Variants in FKBP10 observed in about 807,000 individuals in gnomAD.
FKBP10 encodes FKBP prolyl isomerase 10.
In FKBP10, 34 loss-of-function variants were observed where a neutral mutation model predicts 53.7. The observed-to-expected ratio is 0.63, with a 90% confidence interval of 0.48 to 0.84. FKBP10 has a LOEUF of 0.84. Among genes scored for constraint, FKBP10 ranks in the 40% least tolerant of loss-of-function variants. The pLI is 0.00. For synonymous variants in FKBP10, 324 were observed against 335.7 expected, an observed-to-expected ratio of 0.97 and a Z score of 0.38; for missense variants, 748 against 797.8, an observed-to-expected ratio of 0.94 and a Z score of 0.75.
At position 41,822,537 on chromosome 17, in the gene FKBP10, G is replaced by A; in HGVS notation, c.*129G>A. ...AGGTCCAGGAGCCAACTAAAACAAT[G>A]GCAGAGGAGACATCTCTGGTGTTCC... On this transcript the variant is annotated 3_prime_UTR_variant, in exon 10 of 10. Coordinates refer to ENST00000321562, the MANE Select transcript of FKBP10 (RefSeq NM_021939.4). 1 of 1,019,104 alleles carries A rather than the reference G, an allele frequency of 9.8e-7. No homozygotes were observed. Among genetic ancestry groups the A allele is most frequent in the East Asian group, 2.6e-5 (1 of 38,474 alleles). The allele number at this position is 1,019,104 out of a possible 1,614,324, so 63.1% of individuals were successfully genotyped here.
chr17:41,815,019 G>C (rs1386708953), intron 1 of FKBP10, among the ~76,000 whole-genome samples: 1 of 152,192 alleles, frequency 6.6e-6, no homozygotes, highest in African/African-American at 2.4e-5. Flanking sequence ...CCAGGTTCAC[G>C]TGATTCTCCT....
rs1555617415 is a variant in FKBP10 at position 41,822,430 on chromosome 17, C to T, written c.*22C>T. 6.3e-7 allele frequency: 1 copy of T among 1,584,758 alleles called. No individual in the cohort carries two copies. Among genetic ancestry groups the T allele is most frequent in the Admixed American group, 1.8e-5 (1 of 55,278 alleles). ...CTGAGGGGCAGGGAGCCTGGCCAGG[C>T]CTGAGACACAGAGGCCCACTGCGAG... On this transcript the variant is annotated 3_prime_UTR_variant, in exon 10 of 10. Coordinates refer to ENST00000321562, the MANE Select transcript of FKBP10 (RefSeq NM_021939.4).
In FKBP10 at chr17:41,821,239, C is replaced by T. The variant is rs1231264200; in HGVS notation, c.1399+150C>T. 2.7e-6 allele frequency: 3 copies of T among 1,091,584 alleles called. No individual in the cohort carries two copies. The African/African-American group carries it at 4.8e-5, about 18-fold the overall frequency. The allele number at this position is 1,091,584 out of a possible 1,614,324, so 67.6% of individuals were successfully genotyped here. A position where few individuals can be genotyped will look rare whatever the true frequency, so the allele number is the denominator to read the frequency against. On this transcript the variant is annotated intron_variant, in intron 8 of 9. Transcript: ENST00000321562. ...CCAGGTTCAAGTGATTCTCCTGCCT[C>T]AGCCTCCCGAGTAGCTGGGATTACA...
Position 41,820,309 on chromosome 17 carries a change from C to T in FKBP10, c.1104C>T (p.Val368=). 6.2e-7 allele frequency: 1 copy of T among 1,614,210 alleles called. No homozygotes were observed. The highest frequency in any genetic ancestry group is 8.5e-7 in the Non-Finnish European group (1 of 1,180,042). The change falls in exon 7 of 10, where the codon GTC becomes GTT. Residue 368 remains valine (V), a synonymous_variant. Transcript: ENST00000321562. ...GCTCTGCCGTGCTAATCTTCAACGT[C>T]CATGTCATTGACTTCCACAACCCTG... ...IPGSAVLIFN[V]HVIDFHNPAD...
chr17:41,814,090 G>C (rs1476669521), intron 1 of FKBP10, among the ~76,000 whole-genome samples: 1 of 152,224 alleles, frequency 6.6e-6, no homozygotes, highest in African/African-American at 2.4e-5. Flanking sequence ...GGACAGGGCA[G>C]GGCTGTATGC....
chr17:41,815,097 T>G (rs2047798036), intron 1 of FKBP10, among the ~76,000 whole-genome samples: 2 of 151,950 alleles, frequency 1.3e-5, no homozygotes, highest in Non-Finnish European at 2.9e-5. Context: ...TTTTTGTATT[T>G]TTAGTAGAGA....
rs782129559 is a variant in FKBP10 at position 41,818,080 on chromosome 17, C to T, written c.392-9C>T. ...ACTCTGAGACCTCCACGCTGCTGCGCTCTCACAGCGGGGCTCATTCCACCG... is the reference window on the plus strand; with the variant it reads ...ACTCTGAGACCTCCACGCTGCTGCGTTCTCACAGCGGGGCTCATTCCACCG... On this transcript the variant is annotated splice_polypyrimidine_tract_variant and intron_variant, in intron 2 of 9. Coordinates refer to ENST00000321562, the MANE Select transcript of FKBP10 (RefSeq NM_021939.4). 1 of 1,598,532 alleles carries T rather than the reference C, an allele frequency of 6.3e-7. No individual in the cohort carries two copies. Among genetic ancestry groups the T allele is most frequent in the South Asian group, 1.1e-5 (1 of 89,042 alleles).
chr17:41,819,225 C>A lies in FKBP10; in HGVS notation c.743C>A (p.Pro248Gln). The A allele has an allele frequency of 6.2e-7, 1 of 1,614,166 alleles. No individual in the cohort carries two copies. The highest frequency in any genetic ancestry group is 8.5e-7 in the Non-Finnish European group (1 of 1,180,026). Reference protein sequence around the residue: ...GEKGYGTVIPPQASLVFHVLL... With the variant: ...GEKGYGTVIPQQASLVFHVLL... ...CCTTCCCCAGGGACAGTGATCCCCC[C>A]ACAGGCCTCGCTGGTCTTTCACGTC... is the stretch of plus-strand genomic sequence containing the variant. The change falls in exon 5 of 10, where the codon CCA (proline) becomes CAA (glutamine). Residue 248 changes from proline (P) to glutamine (Q), a missense_variant. Physicochemically the swap from Pro to Gln is moderately conservative, Grantham distance 76. Transcript: ENST00000321562.
intron 6 of FKBP10, chr17:41,819,971 G>A (rs188812154): frequency 6.5e-7 from 1 of 1,527,828 alleles, no homozygotes; most frequent in Non-Finnish European, 8.8e-7. Flanking sequence ...CAGCTGTGCT[G>A]GGAGCCTCAG....
chr17:41,819,113 C>T, intron 4 of FKBP10, 97 bp from the exon 5 acceptor site: 1 of 1,230,368 alleles, frequency 8.1e-7, no homozygotes, highest in Non-Finnish European at 1.2e-6. Flanking sequence ...GAGAGTGGGG[C>T]TAGTGTCTTG....
At chr17:41,820,912 G>A in intron 7 of FKBP10, 35 bp from the exon 8 acceptor site, 1 of 1,605,946 alleles carries the variant, frequency 6.2e-7, no homozygotes, top group Non-Finnish European at 8.5e-7. Context: ...CAGGGGACAG[G>A]GTGGCTGCTG....
rs556997852 is a variant in FKBP10 at position 41,818,477 on chromosome 17, G to C, written c.677G>C (p.Arg226Thr). 6.2e-7 allele frequency: 1 copy of C among 1,614,090 alleles called. No individual in the cohort carries two copies. The highest frequency in any genetic ancestry group is 1.3e-5 in the African/African-American group (1 of 74,932). Residue 226 changes from arginine (R) to threonine (T), a missense_variant, in exon 4 of 10, where the codon AGA becomes ACA. Transcript: ENST00000321562. ...CTGCTGGGCATGTGTCCTGGAGAGA[G>C]AAGGAAGATTATCATCCCTCCATTC... Reference protein sequence around the residue: ...QGLLGMCPGERRKIIIPPFLA... With the variant: ...QGLLGMCPGETRKIIIPPFLA...
At chr17:41,817,784 C>T (rs985471746) in intron 2 of FKBP10, among the ~76,000 whole-genome samples, 1 of 151,912 alleles carries the variant, frequency 6.6e-6, no homozygotes, top group Non-Finnish European at 1.5e-5. Context: ...CACACCACCA[C>T]ACGTGGCTAA....
intron 1 of FKBP10, among the ~76,000 whole-genome samples, chr17:41,813,547 C>T (rs1323094122): frequency 6.6e-6 from 1 of 152,142 alleles, no homozygotes; most frequent in Non-Finnish European, 1.5e-5. Flanking sequence ...GTGTAGTTAC[C>T]AGGGCTGTAT....
In FKBP10 at chr17:41,813,045, C is replaced by CG. The variant is rs1302398047; in HGVS notation, c.14dup (p.Ser8GlnfsTer67). 5.0e-6 allele frequency: 8 copies of CG among 1,609,700 alleles called. No homozygotes were observed. The highest frequency in any genetic ancestry group is 1.3e-5 in the African/African-American group (1 of 74,858). ...CCAACTCCAGGCACCATGTTCCCCG[C>CG]GGGCCCCCCCAGCCACAGCCTCCTC... On this transcript the variant is annotated frameshift_variant, in exon 1 of 10. Transcript: ENST00000321562. LOFTEE classifies it high-confidence loss of function.
intron 1 of FKBP10, among the ~76,000 whole-genome samples, 177 bp from the exon 2 acceptor site, chr17:41,816,881 G>A (rs754732305): frequency 1.8e-4 from 27 of 152,304 alleles, no homozygotes; most frequent in African/African-American, 6.3e-4. Flanking sequence ...TGGGCGTCAC[G>A]GCCGACCTAG....
At chr17:41,819,929 T>A (rs562496695) in intron 6 of FKBP10, 1 of 1,536,594 alleles carries the variant, frequency 6.5e-7, no homozygotes, top group East Asian at 2.5e-5. Flanking sequence ...AGGGTGGTTA[T>A]GGAAAAACAG....
At chr17:41,815,707 G>A (rs1459134665) in intron 1 of FKBP10, among the ~76,000 whole-genome samples, 18 of 143,114 alleles carry the variant, frequency 1.3e-4, no homozygotes, top group South Asian at 2.3e-4. Flanking sequence ...TGCCCGCCTC[G>A]GCCTCCCAAA....
rs782670082 is a variant in FKBP10, at chr17:41,819,625, G to T, written c.1013G>T (p.Arg338Leu). The T allele has an allele frequency of 1.2e-6, 2 of 1,612,840 alleles. No homozygotes were observed. Among genetic ancestry groups the T allele is most frequent in the Admixed American group, 1.7e-5 (1 of 59,854 alleles). ...CTGCAGGGTGCCTGCATGGGGGAAC[G>T]CCGGAGAATTACCATCCCCCCGCAC... Reference protein sequence around the residue: ...QGLQGACMGERRRITIPPHLA... With the variant: ...QGLQGACMGELRRITIPPHLA... The change falls in exon 6 of 10, where the codon CGC becomes CTC. Residue 338 changes from arginine to leucine, a missense_variant. Coordinates refer to ENST00000321562, the MANE Select transcript of FKBP10 (RefSeq NM_021939.4).
Sources: allele counts gnomAD v4.1 joint callset (sites outside exome capture counted in the v4.1 genomes callset), GRCh38; gene constraint gnomAD v4.1.1; transcripts MANE v1.5; gene names NCBI Gene and HGNC (gene_info 2026-07-23, HGNC 2026-07-21).